Variants in NUP210 observed in about 807,000 individuals in gnomAD.
The protein encoded by NUP210 is nucleoporin 210.
In NUP210, 151 loss-of-function variants were observed where a neutral mutation model predicts 196.0. That is an observed-to-expected ratio of 0.77 (90% CI 0.67 to 0.88). NUP210 has a LOEUF of 0.88. NUP210 is among the 40% of genes least tolerant of loss of function. NUP210 has a pLI of 0.00. For missense variants in NUP210, 2,314 were observed against 2,493.7 expected (o/e 0.93, Z 1.53); for synonymous variants, 1,070 against 1,052.7 (o/e 1.02, Z -0.32).
intron 5 of NUP210, 122 bp downstream of exon 5, chr3:13,388,181 C>A (rs768292134): frequency 7.2e-6 from 5 of 696,866 alleles, no homozygotes; most frequent in Non-Finnish European, 1.2e-5. Flanking sequence ...CCTGAAATCA[C>A]GGGACAGCAT....
chr3:13,321,544 C>G (rs1696526818), intron 36 of NUP210, 41 bp downstream of exon 36: 2 of 1,592,318 alleles, frequency 1.3e-6, no homozygotes, highest in East Asian at 4.5e-5. Flanking sequence ...TCCTGATGCC[C>G]CTGACTCCGG....
chr3:13,321,544 C>T, intron 36 of NUP210, 41 bp downstream of exon 36: 2 of 1,592,318 alleles, frequency 1.3e-6, no homozygotes, highest in East Asian at 2.3e-5. Flanking sequence ...TCCTGATGCC[C>T]CTGACTCCGG....
intron 16 of NUP210, among the ~76,000 whole-genome samples, chr3:13,355,699 A>C (rs1291544461): frequency 6.6e-6 from 1 of 152,222 alleles, no homozygotes; most frequent in African/African-American, 2.4e-5. Flanking sequence ...CCCTGCTCTG[A>C]GTAGGCCAGC....
chr3:13,351,140 A>C (rs1697957827), intron 20 of NUP210, among the ~76,000 whole-genome samples: 1 of 152,240 alleles, frequency 6.6e-6, no homozygotes, highest in Non-Finnish European at 1.5e-5. Flanking sequence ...GCAAAAACAT[A>C]AAAACTTAAA....
intron 32 of NUP210, among the ~76,000 whole-genome samples, 199 bp downstream of exon 32, chr3:13,327,018 A>G (rs2124836994): frequency 2.0e-5 from 3 of 152,392 alleles, no homozygotes; most frequent in Middle Eastern, 6.8e-3. Context: ...GCTGAGTGCC[A>G]ACAAAAATTT....
At chr3:13,333,281 C>T (rs1419853848) in intron 28 of NUP210, among the ~76,000 whole-genome samples, 1 of 152,218 alleles carries the variant, frequency 6.6e-6, no homozygotes, top group African/African-American at 2.4e-5. Context: ...TGTGTAAGTC[C>T]CCTCTCTCAG....
chr3:13,322,099 C>G (rs923108114), intron 35 of NUP210, 94 bp downstream of exon 35: 4 of 1,446,466 alleles, frequency 2.8e-6, no homozygotes, highest in Non-Finnish European at 3.8e-6. Flanking sequence ...TCTGGACAGA[C>G]GGCCATGGTG....
intron 36 of NUP210, among the ~76,000 whole-genome samples, chr3:13,320,884 T>C (rs1576337908): frequency 2.5e-5 from 3 of 121,302 alleles, no homozygotes; most frequent in South Asian, 3.0e-4. Flanking sequence ...AGAGCAAGAC[T>C]CCATCTCAAA....
At chr3:13,388,212 T>C in intron 5 of NUP210, 91 bp downstream of exon 5, 1 of 913,778 alleles carries the variant, frequency 1.1e-6, no homozygotes, top group Non-Finnish European at 1.6e-6. Context: ...CTATTCAACG[T>C]GCCTATAGGT....
intron 33 of NUP210, among the ~76,000 whole-genome samples, chr3:13,324,822 C>G (rs1415984704): frequency 6.6e-6 from 1 of 152,144 alleles, no homozygotes; most frequent in African/African-American, 2.4e-5. Context: ...CCTGGAACAG[C>G]AGCAGCAGCA....
At position 13,391,399 on chromosome 3, in the gene NUP210, C is replaced by T. The variant is rs527792816; in HGVS notation, c.437-92G>A. On this transcript the variant is annotated intron_variant, in intron 3 of 39. Coordinates refer to ENST00000254508, the MANE Select transcript of NUP210 (RefSeq NM_024923.4). ...TGGGAGCTTCTGCCCCATGCAGGAA[C>T]CACACTCCACATCACCACCCACCAG... The T allele has an allele frequency of 6.4e-4, 484 of 761,614 alleles. 10 individuals carry two copies. Among genetic ancestry groups the T allele is most frequent in the South Asian group, 5.7e-3 (383 of 66,716 alleles). The allele number at this position is 761,614 out of a possible 1,614,324, so 47.2% of individuals were successfully genotyped here.
At chr3:13,378,261 A>G (rs1698985936) in intron 8 of NUP210, among the ~76,000 whole-genome samples, 1 of 152,006 alleles carries the variant, frequency 6.6e-6, no homozygotes, top group African/African-American at 2.4e-5. Context: ...CCAACCCTGG[A>G]CTCATCTCAG....
chr3:13,325,020 C>T lies in NUP210; in HGVS notation c.4644+775G>A, dbSNP rs538322088. Among the ~76,000 whole-genome samples, 13 of 152,336 alleles carry T rather than the reference C, an allele frequency of 8.5e-5. No individual in the cohort carries two copies. In the East Asian group the frequency reaches 1.7e-3, roughly 20 times the overall value. ...GGCCAAGCTGGGATTTGACCTAGAC[C>T]GTCTAGCTGTAGATGCCCCACCCTC... is the stretch of plus-strand genomic sequence containing the variant. On this transcript the variant is annotated intron_variant, in intron 33 of 39. Coordinates refer to ENST00000254508, the MANE Select transcript of NUP210 (RefSeq NM_024923.4).
In NUP210 at chr3:13,337,932, T is replaced by C; in HGVS notation, c.3472-15A>G. The C allele has an allele frequency of 6.2e-7, 1 of 1,611,024 alleles. No homozygotes were observed. The highest frequency in any genetic ancestry group is 8.5e-7 in the Non-Finnish European group (1 of 1,179,068). On this transcript the variant is annotated splice_polypyrimidine_tract_variant and intron_variant, in intron 25 of 39. Coordinates refer to ENST00000254508, the MANE Select transcript of NUP210 (RefSeq NM_024923.4). ...TGCACGAGGTCCTGGGGAAACAGGG[T>C]GGCACTTAGGTGTGGGGATGCAGTG...
Position 13,398,096 on chromosome 3 carries a change from T to C in NUP210, c.305-608A>G, listed in dbSNP as rs1375961549. Among the ~76,000 whole-genome samples the C allele has an allele frequency of 2.0e-5, 3 of 152,190 alleles. No homozygotes were observed. The East Asian group carries it at 5.8e-4, about 29-fold the overall frequency. On this transcript the variant is annotated intron_variant, in intron 2 of 39. Transcript: ENST00000254508. Reference sequence around the variant, plus strand: ...ATATAAAAATGCTTGTGCACTTTAGTGTGGTTTTCTTGCACAGCAATACGG... The same window carrying C: ...ATATAAAAATGCTTGTGCACTTTAGCGTGGTTTTCTTGCACAGCAATACGG...
chr3:13,324,759 T>C (rs529689098), intron 33 of NUP210, among the ~76,000 whole-genome samples: 2 of 152,324 alleles, frequency 1.3e-5, no homozygotes, highest in South Asian at 2.1e-4. Context: ...CCTTGGTCTA[T>C]AGCACTGTTT....
rs574001439 is a variant in NUP210, at chr3:13,388,852, C to A, written c.534-399G>T. On this transcript the variant is annotated intron_variant, in intron 4 of 39. Coordinates refer to ENST00000254508, the MANE Select transcript of NUP210 (RefSeq NM_024923.4). ...CACAGCAGGGCCAGCAGCACCCTCA[C>A]CTCCCCGAGGCTGCCTGCTCCTGTC... Among the ~76,000 whole-genome samples, 10 of 152,358 alleles carry A rather than the reference C, an allele frequency of 6.6e-5. No individual in the cohort carries two copies. The East Asian group carries it at 1.9e-3, about 29-fold the overall frequency.
chr3:13,318,788 T>G (rs93697), intron 39 of NUP210, among the ~76,000 whole-genome samples: 109,464 of 152,098 alleles, frequency 0.72, 39,777 homozygotes, highest in East Asian at 0.99. Context: ...GCCTCAGCAA[T>G]TGGGCATCCA....
At chr3:13,343,522 C>T (rs1157762981) in intron 20 of NUP210, among the ~76,000 whole-genome samples, 3 of 152,238 alleles carry the variant, frequency 2.0e-5, no homozygotes, top group Non-Finnish European at 1.5e-5. Context: ...AGCCCCACTG[C>T]TGGCCAGGAG....
Sources: gnomAD v4.1 joint callset for allele counts (sites outside exome capture counted in the v4.1 genomes callset) on GRCh38, gnomAD v4.1.1 for gene constraint, MANE v1.5 for transcripts, NCBI Gene and HGNC (gene_info 2026-07-23, HGNC 2026-07-21) for gene names.